ARHGAP6: variants seen among roughly 807,000 people sequenced by gnomAD.
The protein encoded by ARHGAP6 is rho GTPase-activating protein 6.
In ARHGAP6, 16 loss-of-function variants were observed where a neutral mutation model predicts 55.7. The observed-to-expected ratio is 0.29, with a 90% confidence interval of 0.19 to 0.44. ARHGAP6 has a LOEUF of 0.44. Ranked by LOEUF, ARHGAP6 falls within the 20% of genes least tolerant of loss-of-function variation. ARHGAP6 has a pLI of 1.00. For missense variants in ARHGAP6, 698 were observed against 808.9 expected, an observed-to-expected ratio of 0.86 and a Z score of 1.66; for synonymous variants, 382 against 360.9, an observed-to-expected ratio of 1.06 and a Z score of -0.66.
At chrX:11,539,907 C>T (rs762192833) in intron 1 of ARHGAP6, among the ~76,000 whole-genome samples, 2 of 110,764 alleles carry the variant, frequency 1.8e-5, no homozygotes, top group South Asian at 3.9e-4. Context: ...ATTAATAAGC[C>T]CCTAATCTCA....
intron 1 of ARHGAP6, among the ~76,000 whole-genome samples, chrX:11,435,554 A>G (rs1419503473): frequency 8.9e-6 from 1 of 111,900 alleles, no homozygotes; most frequent in Non-Finnish European, 1.9e-5. Flanking sequence ...TACTTGCACA[A>G]TTCCTTGCAG....
intron 1 of ARHGAP6, among the ~76,000 whole-genome samples, chrX:11,379,563 C>A (rs1227156680): frequency 8.9e-6 from 1 of 112,130 alleles, no homozygotes; most frequent in Non-Finnish European, 1.9e-5. Flanking sequence ...AAATAAGTAT[C>A]ATCAGGTTTA....
At chrX:11,447,042 C>CAACATTG (rs925263942) in intron 1 of ARHGAP6, among the ~76,000 whole-genome samples, 3 of 112,159 alleles carry the variant, frequency 2.7e-5, no homozygotes, top group African/African-American at 9.7e-5. Context: ...TTGGTCTAGT[C>CAACATTG]AACATTGAAT....
chrX:11,400,235 C>T (rs2049530647), intron 1 of ARHGAP6, among the ~76,000 whole-genome samples: 1 of 111,206 alleles, frequency 9.0e-6, no homozygotes, highest in Admixed American at 9.6e-5. Context: ...TGAACTAGAC[C>T]TCAATTTCTT....
chrX:11,175,383 G>T (rs1484897915), intron 8 of ARHGAP6, among the ~76,000 whole-genome samples: 1 of 111,895 alleles, frequency 8.9e-6, no homozygotes, highest in Non-Finnish European at 1.9e-5. Context: ...TCATTTTGAT[G>T]CAATGTTCAG....
chrX:11,656,176 T>C (rs1375202561), intron 1 of ARHGAP6, among the ~76,000 whole-genome samples: 1 of 112,535 alleles, frequency 8.9e-6, no homozygotes, highest in East Asian at 2.8e-4. Flanking sequence ...CGAGACTTAT[T>C]CTTCACCATC....
At chrX:11,469,982 T>C (rs1047527194) in intron 1 of ARHGAP6, among the ~76,000 whole-genome samples, 13 of 110,954 alleles carry the variant, frequency 1.2e-4, no homozygotes, top group African/African-American at 4.3e-4. Context: ...CCATGATGAA[T>C]AGAACATCAG....
At chrX:11,423,107 T>C (rs2049841122) in intron 1 of ARHGAP6, among the ~76,000 whole-genome samples, 1 of 112,573 alleles carries the variant, frequency 8.9e-6, no homozygotes. Flanking sequence ...CAGAGTAATA[T>C]AAAAATGGTT....
chrX:11,183,552 A>G (rs1411836735), intron 5 of ARHGAP6, among the ~76,000 whole-genome samples: 1 of 112,277 alleles, frequency 8.9e-6, no homozygotes, highest in African/African-American at 3.2e-5. Flanking sequence ...TTAAATTTCC[A>G]GTCAACATCC....
At chrX:11,300,596 A>T (rs2048159632) in intron 1 of ARHGAP6, 1 of 1,191,289 alleles carries the variant, frequency 8.4e-7, no homozygotes, top group Admixed American at 2.2e-5. Flanking sequence ...TTCTTTTGCA[A>T]TTTTTTTCAG....
At chrX:11,569,672 T>A (rs906729360) in intron 1 of ARHGAP6, among the ~76,000 whole-genome samples, 3 of 111,813 alleles carry the variant, frequency 2.7e-5, no homozygotes, top group African/African-American at 9.8e-5. Context: ...CCCCCCATCC[T>A]AATTGAGGTC....
chrX:11,437,412 G>A (rs551329092), intron 1 of ARHGAP6, among the ~76,000 whole-genome samples: 2 of 112,468 alleles, frequency 1.8e-5, no homozygotes, highest in East Asian at 2.8e-4. Flanking sequence ...AAAGCCTTAC[G>A]ATATTTCTCT....
intron 1 of ARHGAP6, among the ~76,000 whole-genome samples, chrX:11,506,745 G>A (rs1201608255): frequency 9.0e-6 from 1 of 111,342 alleles, no homozygotes; most frequent in Non-Finnish European, 1.9e-5. Context: ...AATCCTTTGG[G>A]TATATACCCA....
intron 2 of ARHGAP6, among the ~76,000 whole-genome samples, chrX:11,226,197 G>A (rs112155431): frequency 0.021 from 2,087 of 99,184 alleles, 29 homozygotes; most frequent in Middle Eastern, 0.072. Flanking sequence ...CTGTGTCCAT[G>A]TGATCTCATT....
chrX:11,359,238 C>T (rs2048977631), intron 1 of ARHGAP6, among the ~76,000 whole-genome samples: 1 of 111,815 alleles, frequency 8.9e-6, no homozygotes, highest in Non-Finnish European at 1.9e-5. Context: ...TCTGGTAGTG[C>T]CAAACCCATC....
At chrX:11,476,096 CT>C (rs200925144) in intron 1 of ARHGAP6, among the ~76,000 whole-genome samples, 40 of 104,889 alleles carry the variant, frequency 3.8e-4, no homozygotes, top group South Asian at 1.7e-3. Flanking sequence ...AAATACTAAG[CT>C]TTTTTTTTTC....
chrX:11,661,498 T>C (rs1295502141), intron 1 of ARHGAP6, among the ~76,000 whole-genome samples: 1 of 112,538 alleles, frequency 8.9e-6, no homozygotes, highest in Non-Finnish European at 1.9e-5. Context: ...GCTGCAGGCA[T>C]TTGTGAGAGT....
intron 1 of ARHGAP6, among the ~76,000 whole-genome samples, chrX:11,549,346 A>C (rs1278001840): frequency 2.7e-5 from 3 of 112,383 alleles, no homozygotes; most frequent in Non-Finnish European, 3.8e-5. Context: ...GTGAAGAGAC[A>C]ACCTGTAGAA....
chrX:11,427,759 C>T, intron 1 of ARHGAP6: 2 of 764,375 alleles, frequency 2.6e-6, no homozygotes. Context: ...CGTCCCGCTG[C>T]CGCTGCGGAG....
Sources: allele counts gnomAD v4.1 joint callset (sites outside exome capture counted in the v4.1 genomes callset), GRCh38; gene constraint gnomAD v4.1.1; transcripts MANE v1.5; gene names NCBI Gene and HGNC (gene_info 2026-07-23, HGNC 2026-07-21).